The following BTD variants were observed in gnomAD, a reference collection of about 807,000 sequenced individuals.
BTD encodes the protein biocytinase.
Under a neutral mutation model 17.7 loss-of-function variants are expected in BTD, and 13 were observed. The observed-to-expected ratio is 0.74, with a 90% CI of 0.48 to 1.17. The LOEUF (loss-of-function observed/expected upper bound fraction) is 1.17. Ranked by LOEUF, BTD falls within the 50% of genes most tolerant of loss-of-function variation. The pLI, the probability that BTD is intolerant of heterozygous loss-of-function variation, is 0.00. For synonymous variants in BTD, 240 were observed against 245.2 expected (o/e 0.98, Z 0.20); for missense variants, 674 against 650.4 (o/e 1.04, Z -0.39).
chr3:15,705,765 G>T (rs1253560428), intron 3 of BTD, among the ~76,000 whole-genome samples: 1 of 152,150 alleles, frequency 6.6e-6, no homozygotes, highest in Non-Finnish European at 1.5e-5. Flanking sequence ...ATTTTGGAAG[G>T]CCAAGGTGGG....
upstream of BTD, chr3:15,601,515 A>G: frequency 1.2e-6 from 2 of 1,609,268 alleles, no homozygotes; most frequent in South Asian, 1.1e-5. Flanking sequence ...AAGCGGAATC[A>G]TCCAGCAAGG....
At chr3:15,699,107 T>A (rs527653914) in intron 3 of BTD, among the ~76,000 whole-genome samples, 1 of 152,146 alleles carries the variant, frequency 6.6e-6, no homozygotes, top group Non-Finnish European at 1.5e-5. Flanking sequence ...ACCATCTGAT[T>A]TTTGACAAAC....
chr3:15,652,109 A>C lies in BTD; in HGVS notation c.*6621A>C, dbSNP rs2065814342. On this transcript the variant is annotated 3_prime_UTR_variant, in exon 4 of 4. Coordinates refer to ENST00000643237, the MANE Select transcript of BTD (RefSeq NM_001370658.1). ...TTTGGGAGGCCAAGCCTGGCGGATCACAAGGTTAGGAGTTCAAGACCAGTC... is the reference window on the plus strand; with the variant it reads ...TTTGGGAGGCCAAGCCTGGCGGATCCCAAGGTTAGGAGTTCAAGACCAGTC... Among the ~76,000 whole-genome samples the C allele has an allele frequency of 1.3e-5, 2 of 152,238 alleles. No homozygotes were observed. Among genetic ancestry groups the C allele is most frequent in the South Asian group, 2.1e-4 (1 of 4,836 alleles).
intron 1 of BTD, among the ~76,000 whole-genome samples, chr3:15,633,626 G>A (rs2065270205): frequency 6.6e-6 from 1 of 152,160 alleles, no homozygotes; most frequent in African/African-American, 2.4e-5. Flanking sequence ...TGCCACTCTT[G>A]GCCCCAGGCA....
intron 2 of BTD, among the ~76,000 whole-genome samples, chr3:15,641,052 G>C (rs2065488459): frequency 6.6e-6 from 1 of 152,322 alleles, no homozygotes; most frequent in South Asian, 2.1e-4. Flanking sequence ...CCTGTAAGTG[G>C]AGAGCAGTGG....
chr3:15,719,185 A>T (rs2073419535), intron 4 of BTD, among the ~76,000 whole-genome samples: 1 of 152,154 alleles, frequency 6.6e-6, no homozygotes, highest in Non-Finnish European at 1.5e-5. Flanking sequence ...CCTGTAGTTG[A>T]GAGGGCAATT....
intron 3 of BTD, among the ~76,000 whole-genome samples, chr3:15,705,904 CAGG>C (rs930944109): frequency 1.3e-5 from 2 of 152,036 alleles, no homozygotes; most frequent in Non-Finnish European, 2.9e-5. Context: ...GAGGCTGAGG[CAGG>C]AGAATTGCTT....
downstream of BTD, among the ~76,000 whole-genome samples, chr3:15,654,050 T>C (rs903304667): frequency 5.3e-5 from 8 of 152,240 alleles, no homozygotes; most frequent in African/African-American, 1.9e-4. Context: ...GAGAGCTTAT[T>C]ATCACCTAGT....
chr3:15,705,697 T>C (rs1000804457), intron 3 of BTD, among the ~76,000 whole-genome samples: 2 of 152,228 alleles, frequency 1.3e-5, no homozygotes, highest in Admixed American at 1.3e-4. Flanking sequence ...CACATTACTA[T>C]TGCCTTTAAG....
intron 1 of BTD, among the ~76,000 whole-genome samples, chr3:15,612,979 G>A (rs140089759): frequency 9.8e-4 from 150 of 152,318 alleles, no homozygotes; most frequent in African/African-American, 3.4e-3. Flanking sequence ...GCTTCTTCAA[G>A]GTCAGCCGGG....
intron 1 of BTD, among the ~76,000 whole-genome samples, chr3:15,632,200 G>A (rs755267330): frequency 1.3e-5 from 2 of 152,110 alleles, no homozygotes; most frequent in Non-Finnish European, 2.9e-5. Context: ...TGTCCCCCTC[G>A]CCTCACCTTA....
In BTD at chr3:15,619,862, A is replaced by C. The variant is rs557903395; in HGVS notation, c.-16-15562A>C. 6.6e-5 allele frequency among the ~76,000 whole-genome samples: 10 copies of C among 152,348 alleles called. No individual in the cohort carries two copies. The South Asian group carries it at 2.1e-3, about 32-fold the overall frequency. ...GGTGACATCACATATCAGCAGGACC[A>C]TGATGCCTGCCTGAGTCTCAGACCA... On this transcript the variant is annotated intron_variant, in intron 1 of 3. Coordinates refer to ENST00000643237, the MANE Select transcript of BTD (RefSeq NM_001370658.1).
exon 4 of BTD, among the ~76,000 whole-genome samples, chr3:15,711,843 C>T (rs2470515): frequency 0.47 from 71,200 of 151,516 alleles, 19,631 homozygotes; most frequent in Middle Eastern, 0.61. Context: ...CTCACCACCA[C>T]GCCCAGCTAA....
At chr3:15,601,724 C>A (rs758422882), upstream of BTD, 376 of 1,570,620 alleles carry the variant, frequency 2.4e-4, no homozygotes, top group Non-Finnish European at 3.1e-4. Context: ...CGCCAGAATG[C>A]CAGAGGGAGG....
intron 1 of BTD, among the ~76,000 whole-genome samples, chr3:15,614,372 TC>T (rs1381483532): frequency 6.6e-6 from 1 of 152,082 alleles, no homozygotes; most frequent in African/African-American, 2.4e-5. Context: ...CATCTTGACC[TC>T]CAAAGTGTTG....
intron 3 of BTD, among the ~76,000 whole-genome samples, chr3:15,672,919 G>A (rs1027176408): frequency 6.6e-6 from 1 of 152,230 alleles, no homozygotes; most frequent in African/African-American, 2.4e-5. Flanking sequence ...AGGATTACAG[G>A]CACATGCCAC....
At chr3:15,712,407 A>G (rs1215754108) in exon 4 of BTD, among the ~76,000 whole-genome samples, 1 of 152,212 alleles carries the variant, frequency 6.6e-6, no homozygotes, top group Non-Finnish European at 1.5e-5. Context: ...TTTTTCTCCA[A>G]AAGTCAGGTT....
chr3:15,665,162 AAG>A (rs1328452752), intron 3 of BTD, among the ~76,000 whole-genome samples: 1 of 152,200 alleles, frequency 6.6e-6, no homozygotes, highest in African/African-American at 2.4e-5. Context: ...GTAACACAAA[AAG>A]AGGAATGAAG....
chr3:15,705,824 A>C (rs987940860), intron 3 of BTD, among the ~76,000 whole-genome samples: 5 of 151,680 alleles, frequency 3.3e-5, no homozygotes, highest in African/African-American at 1.2e-4. Context: ...AACATGGTGA[A>C]TCTGTCTCTA....
Sources: allele counts gnomAD v4.1 joint callset (sites outside exome capture counted in the v4.1 genomes callset), GRCh38; gene constraint gnomAD v4.1.1; transcripts MANE v1.5; gene names NCBI Gene and HGNC (gene_info 2026-07-23, HGNC 2026-07-21).